Variants in MYO1D observed in about 807,000 individuals in gnomAD.
MYO1D encodes the protein unconventional myosin-Id.
In MYO1D, 83 loss-of-function variants were observed where a neutral mutation model predicts 122.0. That is an observed-to-expected ratio of 0.68 (90% CI 0.57 to 0.82). The LOEUF (loss-of-function observed/expected upper bound fraction) is 0.82. MYO1D is among the 40% of genes least tolerant of loss of function. MYO1D has a pLI of 0.00. For synonymous variants in MYO1D, 464 were observed against 446.9 expected, an observed-to-expected ratio of 1.04 and a Z score of -0.48; for missense variants, 1,157 against 1,269.5, an observed-to-expected ratio of 0.91 and a Z score of 1.35.
intron 16 of MYO1D, among the ~76,000 whole-genome samples, chr17:32,708,049 A>G (rs1209866594): frequency 1.3e-5 from 2 of 152,126 alleles, no homozygotes; most frequent in African/African-American, 4.8e-5. Context: ...AATAAATTCT[A>G]CTCATCAGTA....
intron 18 of MYO1D, 35 bp downstream of exon 18, chr17:32,654,442 T>C (rs1308658825): frequency 1.3e-6 from 2 of 1,564,678 alleles, no homozygotes; most frequent in Non-Finnish European, 1.7e-6. Flanking sequence ...GTAGAGGAAG[T>C]AGAAGTAGAT....
At chr17:32,740,735 A>G (rs899223848) in intron 13 of MYO1D, among the ~76,000 whole-genome samples, 1 of 152,136 alleles carries the variant, frequency 6.6e-6, no homozygotes, top group East Asian at 1.9e-4. Context: ...TCAGCCTCCC[A>G]AAGTGCTGGG....
intron 1 of MYO1D, among the ~76,000 whole-genome samples, chr17:32,863,570 G>C (rs1455796184): frequency 6.6e-6 from 1 of 152,196 alleles, no homozygotes; most frequent in East Asian, 1.9e-4. Context: ...ATTTTTAAAA[G>C]TTAATTTAGA....
chr17:32,501,922 C>T (rs541671831), intron 21 of MYO1D, among the ~76,000 whole-genome samples: 28 of 152,280 alleles, frequency 1.8e-4, no homozygotes, highest in Admixed American at 1.6e-3. Flanking sequence ...CAACTGGTGT[C>T]TAGGGGTGGT....
intron 16 of MYO1D, among the ~76,000 whole-genome samples, chr17:32,674,218 T>C (rs1040184139): frequency 2.0e-5 from 3 of 152,164 alleles, no homozygotes; most frequent in African/African-American, 7.2e-5. Flanking sequence ...TCCCACCAAG[T>C]ACTGGGAAAT....
At chr17:32,851,137 G>A (rs1426742433) in intron 1 of MYO1D, among the ~76,000 whole-genome samples, 1 of 152,056 alleles carries the variant, frequency 6.6e-6, no homozygotes, top group Non-Finnish European at 1.5e-5. Context: ...CAAATCAGAA[G>A]GTAAACCTAT....
chr17:32,713,736 C>T (rs2089408193), intron 15 of MYO1D, among the ~76,000 whole-genome samples: 1 of 152,148 alleles, frequency 6.6e-6, no homozygotes, highest in South Asian at 2.1e-4. Flanking sequence ...AAGTGATTCT[C>T]CTGCCTCAGC....
Position 32,769,792 on chromosome 17 carries a change from C to CA in MYO1D, c.714+1332dup, listed in dbSNP as rs796502029. On this transcript the variant is annotated intron_variant, in intron 6 of 21. Coordinates refer to ENST00000318217, the MANE Select transcript of MYO1D (RefSeq NM_015194.3). ...ATTAGTTCTTTGTTTTCTTAGGAAGCAAAAAAAAAAAGGTGGGGAAAGCAG... is the reference window on the plus strand; with the variant it reads ...ATTAGTTCTTTGTTTTCTTAGGAAGCAAAAAAAAAAAAGGTGGGGAAAGCAG... Among the ~76,000 whole-genome samples the CA allele has an allele frequency of 4.2e-3, 510 of 121,546 alleles. 3 individuals are homozygous for CA. The highest frequency in any genetic ancestry group is 0.013 in the African/African-American group (421 of 32,996). The allele number at this position is 121,546 out of a possible 152,430, so 79.7% of individuals were successfully genotyped here.
At chr17:32,719,971 T>C (rs1242612177) in intron 15 of MYO1D, among the ~76,000 whole-genome samples, 1 of 152,200 alleles carries the variant, frequency 6.6e-6, no homozygotes, top group Non-Finnish European at 1.5e-5. Context: ...CCATCTTCTC[T>C]TTGCTCTGAT....
intron 21 of MYO1D, among the ~76,000 whole-genome samples, chr17:32,587,383 G>A (rs1184586237): frequency 6.6e-6 from 1 of 151,940 alleles, no homozygotes; most frequent in Non-Finnish European, 1.5e-5. Context: ...GTGGTGGTGG[G>A]CACCTGTAAT....
At chr17:32,617,072 T>G (rs1298578174) in intron 20 of MYO1D, among the ~76,000 whole-genome samples, 2 of 152,168 alleles carry the variant, frequency 1.3e-5, no homozygotes, top group Non-Finnish European at 2.9e-5. Context: ...TTCCAGCTAT[T>G]CTGGAGGCTG....
chr17:32,706,369 A>G lies in MYO1D; in HGVS notation c.2121+5619T>C, dbSNP rs187533989. ...GTGATCTGCCCACCTCAGCCTCCCAAAGTGCTGGGATTATAGGCATGAGCC... is the reference window on the plus strand; with the variant it reads ...GTGATCTGCCCACCTCAGCCTCCCAGAGTGCTGGGATTATAGGCATGAGCC... On this transcript the variant is annotated intron_variant, in intron 16 of 21. Transcript: ENST00000318217. 2.6e-5 allele frequency among the ~76,000 whole-genome samples: 4 copies of G among 152,302 alleles called. No homozygotes were observed. In the East Asian group the frequency reaches 7.7e-4, roughly 29 times the overall value.
chr17:32,721,343 T>C (rs920625640), intron 14 of MYO1D, among the ~76,000 whole-genome samples, 154 bp from the exon 15 acceptor site: 5 of 152,174 alleles, frequency 3.3e-5, no homozygotes, highest in Admixed American at 3.3e-4. Flanking sequence ...ATTCTTCCTT[T>C]CTCCTTCAAT....
intron 7 of MYO1D, among the ~76,000 whole-genome samples, 173 bp from the exon 8 acceptor site, chr17:32,765,254 C>G (rs1273377761): frequency 6.6e-6 from 1 of 152,134 alleles, no homozygotes; most frequent in African/African-American, 2.4e-5. Flanking sequence ...TCCGGACACT[C>G]ATCTATCTTT....
chr17:32,536,467 TA>T (rs1478916826), intron 21 of MYO1D, among the ~76,000 whole-genome samples: 2 of 152,236 alleles, frequency 1.3e-5, no homozygotes, highest in Non-Finnish European at 2.9e-5. Context: ...AACCCGAAAC[TA>T]ACTTTTATTA....
intron 21 of MYO1D, among the ~76,000 whole-genome samples, chr17:32,535,509 A>G (rs1910634920): frequency 6.6e-6 from 1 of 152,218 alleles, no homozygotes; most frequent in African/African-American, 2.4e-5. Context: ...GCACTTTGGG[A>G]GGCCAAGGTG....
At chr17:32,720,979 C>G (rs775470241) in intron 15 of MYO1D, 44 bp downstream of exon 15, 1 of 1,584,088 alleles carries the variant, frequency 6.3e-7, no homozygotes, top group South Asian at 1.2e-5. Flanking sequence ...GGAGGACTCC[C>G]TTATTCTCAG....
chr17:32,801,287 T>C (rs2090458430), intron 1 of MYO1D, among the ~76,000 whole-genome samples: 1 of 152,222 alleles, frequency 6.6e-6, no homozygotes, highest in Admixed American at 6.5e-5. Flanking sequence ...TTCCAGGAAA[T>C]ACTTTGTCTC....
intron 1 of MYO1D, among the ~76,000 whole-genome samples, chr17:32,786,263 T>A (rs550138599): frequency 1.2e-3 from 182 of 151,610 alleles, no homozygotes; most frequent in African/African-American, 1.6e-3. Flanking sequence ...TTCCTTTTTT[T>A]AAAAAAAAAC....
Sources: gnomAD v4.1 joint callset for allele counts (sites outside exome capture counted in the v4.1 genomes callset) on GRCh38, gnomAD v4.1.1 for gene constraint, MANE v1.5 for transcripts, NCBI Gene and HGNC (gene_info 2026-07-23, HGNC 2026-07-21) for gene names.